CPNE8: variants seen among roughly 807,000 people sequenced by gnomAD.
CPNE8 encodes copine 8, also known as copine-8.
In CPNE8, 45 loss-of-function variants were observed where a neutral mutation model predicts 81.5. The ratio of observed to expected loss-of-function variants is 0.55; its 90% CI spans 0.44 to 0.71. The LOEUF (loss-of-function observed/expected upper bound fraction) is 0.71, where lower values mean the gene tolerates loss of function less well. Ranked by LOEUF, CPNE8 falls within the 30% of genes least tolerant of loss-of-function variation. The probability of loss-of-function intolerance (pLI) is 0.00; values close to 1 mark genes in which losing one functional copy is unlikely to be tolerated. For synonymous variants in CPNE8, 252 were observed against 226.3 expected (o/e 1.11, Z -1.02); for missense variants, 594 against 672.1 (o/e 0.88, Z 1.28).
intron 5 of CPNE8, among the ~76,000 whole-genome samples, chr12:38,837,843 A>C (rs184590000): frequency 1.3e-5 from 2 of 152,278 alleles, no homozygotes; most frequent in Admixed American, 1.3e-4. Flanking sequence ...AGGGTAAAGC[A>C]GTGTCAAGAT....
At chr12:38,886,464 T>A (rs1944238614) in intron 1 of CPNE8, among the ~76,000 whole-genome samples, 1 of 152,152 alleles carries the variant, frequency 6.6e-6, no homozygotes, top group Non-Finnish European at 1.5e-5. Context: ...AATTAAGTGA[T>A]AAAGCCCTAA....
chr12:38,827,751 T>C (rs1943221876), intron 6 of CPNE8, among the ~76,000 whole-genome samples: 1 of 152,124 alleles, frequency 6.6e-6, no homozygotes, highest in African/African-American at 2.4e-5. Flanking sequence ...TTCTCACTTA[T>C]AAGCGGGAGA....
In CPNE8 at chr12:38,661,421, A is replaced by G. The variant is rs1290852301; in HGVS notation, c.1507-7351T>C. 1.3e-5 allele frequency among the ~76,000 whole-genome samples: 2 copies of G among 152,074 alleles called. 1 individual carries two copies. Among genetic ancestry groups the G allele is most frequent in the Admixed American group, 1.3e-4 (2 of 15,256 alleles). ...GGAACTGAACAATGAGAACACTTGG[A>G]CACAGGGTGGGGAACATCACACACT... On this transcript the variant is annotated intron_variant, in intron 19 of 19. Transcript: ENST00000331366.
chr12:38,739,457 T>A (rs960026830), intron 10 of CPNE8, among the ~76,000 whole-genome samples: 3 of 152,182 alleles, frequency 2.0e-5, no homozygotes, highest in Non-Finnish European at 4.4e-5. Context: ...ATGTGGAAAC[T>A]CTTCTTTAAA....
intron 19 of CPNE8, among the ~76,000 whole-genome samples, chr12:38,668,595 A>C (rs11169056): frequency 6.6e-6 from 1 of 152,118 alleles, no homozygotes; most frequent in East Asian, 1.9e-4. Flanking sequence ...GAACAGCAAC[A>C]TAACATTCTA....
chr12:38,734,803 A>G (rs1345329744), intron 10 of CPNE8, among the ~76,000 whole-genome samples: 3 of 152,084 alleles, frequency 2.0e-5, no homozygotes, highest in African/African-American at 7.2e-5. Flanking sequence ...ACACTTATAC[A>G]TTTTGTCAAT....
intron 4 of CPNE8, among the ~76,000 whole-genome samples, 155 bp from the exon 5 acceptor site, chr12:38,840,110 C>T (rs571157423): frequency 2.0e-5 from 3 of 152,140 alleles, no homozygotes; most frequent in African/African-American, 4.8e-5. Flanking sequence ...TCACATATTC[C>T]GTGGCTTACA....
intron 13 of CPNE8, among the ~76,000 whole-genome samples, chr12:38,706,836 G>A (rs1371994545): frequency 6.6e-6 from 1 of 152,132 alleles, no homozygotes; most frequent in Non-Finnish European, 1.5e-5. Flanking sequence ...TTTCTAACTT[G>A]TTCTCCAGGG....
intron 6 of CPNE8, among the ~76,000 whole-genome samples, chr12:38,795,013 T>A (rs1212132235): frequency 3.9e-5 from 6 of 152,218 alleles, no homozygotes; most frequent in Non-Finnish European, 8.8e-5. Flanking sequence ...CTGTGCTGGA[T>A]ACTTCCTGCC....
intron 10 of CPNE8, among the ~76,000 whole-genome samples, chr12:38,744,500 C>T (rs748326778): frequency 6.6e-5 from 10 of 152,176 alleles, no homozygotes; most frequent in Admixed American, 1.3e-4. Flanking sequence ...TTGTCAACTA[C>T]ATTTAGAATT....
chr12:38,896,527 C>A (rs1201271309), intron 1 of CPNE8, among the ~76,000 whole-genome samples: 9 of 152,052 alleles, frequency 5.9e-5, no homozygotes, highest in Non-Finnish European at 1.2e-4. Context: ...TTTTATCATG[C>A]CCAACACAAA....
At chr12:38,794,861 T>C (rs908933485) in intron 6 of CPNE8, among the ~76,000 whole-genome samples, 1 of 152,188 alleles carries the variant, frequency 6.6e-6, no homozygotes, top group Admixed American at 6.5e-5. Context: ...GATTAACCTG[T>C]TAGTCAGTGG....
intron 6 of CPNE8, among the ~76,000 whole-genome samples, chr12:38,815,087 G>A (rs1554550): frequency 0.28 from 43,039 of 151,820 alleles, 7,871 homozygotes; most frequent in Non-Finnish European, 0.41. Context: ...CCAGCTATTT[G>A]CCCTCTCTGC....
Position 38,652,613 on chromosome 12 carries a change from CAAAT to C in CPNE8, c.*1265_*1268del, listed in dbSNP as rs963819460. On this transcript the variant is annotated 3_prime_UTR_variant, in exon 20 of 20. Coordinates refer to ENST00000331366, the MANE Select transcript of CPNE8 (RefSeq NM_153634.3). The stretch of plus-strand genomic sequence containing the variant: ...TACATTTTTGACACACACACACACA[CAAAT>C]AAATACACTTTTCTATTATTTGAAG... 1.6e-4 allele frequency: 25 copies of C among 152,466 alleles called. No homozygotes were observed. The highest frequency in any genetic ancestry group is 5.8e-4 in the African/African-American group (24 of 41,398). The allele number at this position is 152,466 out of a possible 1,614,324, so 9.4% of individuals were successfully genotyped here. A position where few individuals can be genotyped will look rare whatever the true frequency, so the allele number is the denominator to read the frequency against.
chr12:38,806,762 G>T (rs1311152526), intron 6 of CPNE8, among the ~76,000 whole-genome samples: 1 of 146,654 alleles, frequency 6.8e-6, no homozygotes, highest in Admixed American at 6.9e-5. Flanking sequence ...GGGCAATTAG[G>T]CAGGAGAAGG....
intron 6 of CPNE8, among the ~76,000 whole-genome samples, chr12:38,791,494 A>C (rs1160739286): frequency 6.6e-6 from 1 of 151,698 alleles, no homozygotes; most frequent in Non-Finnish European, 1.5e-5. Flanking sequence ...TAGAGAAGAG[A>C]GTACTTAGAA....
At chr12:38,784,907 G>T (rs891069725) in intron 6 of CPNE8, among the ~76,000 whole-genome samples, 1 of 152,040 alleles carries the variant, frequency 6.6e-6, no homozygotes, top group Non-Finnish European at 1.5e-5. Context: ...AGAAAGAAAA[G>T]GACCTTGCCT....
chr12:38,728,194 G>A (rs1221358557), intron 11 of CPNE8, among the ~76,000 whole-genome samples: 1 of 152,150 alleles, frequency 6.6e-6, no homozygotes, highest in African/African-American at 2.4e-5. Context: ...AAACAGGAAA[G>A]TATAGCCCAC....
At chr12:38,867,335 T>TGAGA (rs1390611747) in intron 3 of CPNE8, among the ~76,000 whole-genome samples, 6 of 143,178 alleles carry the variant, frequency 4.2e-5, no homozygotes, top group African/African-American at 8.3e-5. Flanking sequence ...TGTGTGTGTG[T>TGAGA]GTGTGAGAGA....
Sources: allele counts gnomAD v4.1 joint callset (sites outside exome capture counted in the v4.1 genomes callset), GRCh38; gene constraint gnomAD v4.1.1; transcripts MANE v1.5; gene names NCBI Gene and HGNC (gene_info 2026-07-23, HGNC 2026-07-21).